The following ARHGEF28 variants were observed in gnomAD, a reference collection of about 807,000 sequenced individuals.
ARHGEF28 encodes Rho guanine nucleotide exchange factor 28, also known as 190 kDa guanine nucleotide exchange factor.
In ARHGEF28, 152 loss-of-function variants were observed where a neutral mutation model predicts 206.6. That is an observed-to-expected ratio of 0.74 (90% confidence interval 0.64 to 0.84). ARHGEF28 has a LOEUF of 0.84. ARHGEF28 is among the 40% of genes least tolerant of loss of function. The pLI is 0.00. For synonymous variants in ARHGEF28, 763 were observed against 776.4 expected (o/e 0.98, Z 0.29); for missense variants, 2,028 against 2,073.2 (o/e 0.98, Z 0.42).
Position 73,736,210 on chromosome 5 carries a change from C to T in ARHGEF28, c.34-13627C>T, listed in dbSNP as rs571955426. The stretch of plus-strand genomic sequence containing the variant: ...GATACTCATGTGTAACTTCTTAAGA[C>T]TTCACTGTGGAGTTAGGTGTGAGGA... On this transcript the variant is annotated intron_variant, in intron 2 of 35. Coordinates refer to ENST00000513042, the MANE Select transcript of ARHGEF28 (RefSeq NM_001177693.2). 6.6e-5 allele frequency among the ~76,000 whole-genome samples: 10 copies of T among 152,342 alleles called. No individual in the cohort carries two copies. In the South Asian group the frequency reaches 2.1e-3, roughly 32 times the overall value.
At chr5:73,661,555 C>A (rs1745598897) in intron 1 of ARHGEF28, among the ~76,000 whole-genome samples, 1 of 152,078 alleles carries the variant, frequency 6.6e-6, no homozygotes, top group South Asian at 2.1e-4. Flanking sequence ...TCTCACTAAG[C>A]TCAATAATTT....
At chr5:73,938,608 C>G (rs1021188052) in intron 35 of ARHGEF28, among the ~76,000 whole-genome samples, 2 of 152,000 alleles carry the variant, frequency 1.3e-5, no homozygotes, top group Admixed American at 1.3e-4. Flanking sequence ...AGTGTCTGCT[C>G]GATGGAAATT....
chr5:73,870,339 A>G, intron 21 of ARHGEF28, 130 bp downstream of exon 21: 1 of 1,145,724 alleles, frequency 8.7e-7, no homozygotes, highest in South Asian at 1.8e-5. Flanking sequence ...TCGCAGACAA[A>G]TTATTTAGAT....
chr5:73,909,095 C>A (rs138055721), intron 33 of ARHGEF28: 1 of 224,368 alleles, frequency 4.5e-6, no homozygotes, highest in Non-Finnish European at 8.8e-6. Flanking sequence ...GTGCCGAGTT[C>A]GTATTCAGAA....
Position 73,846,569 on chromosome 5 carries a change from A to G in ARHGEF28, c.1635+94A>G, listed in dbSNP as rs1758378657. ...GTATCTGAAAGACATATTATATTTTATTCATACATATGAACTATTTTTTTG... is the reference window on the plus strand; with the variant it reads ...GTATCTGAAAGACATATTATATTTTGTTCATACATATGAACTATTTTTTTG... On this transcript the variant is annotated intron_variant, in intron 12 of 35. Coordinates refer to ENST00000513042, the MANE Select transcript of ARHGEF28 (RefSeq NM_001177693.2). The G allele has an allele frequency of 6.8e-6, 8 of 1,183,618 alleles. No individual in the cohort carries two copies. The East Asian group carries it at 7.6e-5, about 11-fold the overall frequency. 73.3% of individuals were successfully genotyped at this position (1,183,618 alleles called of 1,614,324 possible).
chr5:73,712,005 C>T (rs1372825483), intron 2 of ARHGEF28, among the ~76,000 whole-genome samples: 7 of 151,678 alleles, frequency 4.6e-5, no homozygotes, highest in Non-Finnish European at 1.5e-5. Context: ...AAATTATGAA[C>T]AAATGTTGAA....
chr5:73,749,889 A>C lies in ARHGEF28; in HGVS notation c.86A>C (p.Asp29Ala). The change falls in exon 3 of 36, where the codon GAT becomes GCT. Residue 29 changes from aspartate to alanine, a missense_variant. This residue lies in a region of ARHGEF28 where 1,002 missense variants were observed against 1,015.3 expected (regional missense o/e 0.99). Coordinates refer to ENST00000513042, the MANE Select transcript of ARHGEF28 (RefSeq NM_001177693.2). ...GACAAAAATGTGTATCTTCCTGAAG[A>C]TGCTGAGTTTTACTTTACTTATGAC... ...KFDKNVYLPE[D>A]AEFYFTYDGS... The C allele has an allele frequency of 6.2e-7, 1 of 1,614,016 alleles. No individual in the cohort carries two copies. The highest frequency in any genetic ancestry group is 8.5e-7 in the Non-Finnish European group (1 of 1,179,884).
intron 1 of ARHGEF28, among the ~76,000 whole-genome samples, chr5:73,659,347 G>A (rs185649827): frequency 6.6e-6 from 1 of 152,102 alleles, no homozygotes; most frequent in African/African-American, 2.4e-5. Context: ...TGGCTAACAC[G>A]GTGAAACCCC....
chr5:73,641,988 T>C (rs1249242683), intron 1 of ARHGEF28, among the ~76,000 whole-genome samples: 1 of 152,218 alleles, frequency 6.6e-6, no homozygotes, highest in Non-Finnish European at 1.5e-5. Context: ...GCTGAGAGGT[T>C]AAGCAACCTG....
rs1385320306 is a variant in ARHGEF28 at position 73,806,270 on chromosome 5, GAT to G, written c.1024+10887_1024+10888del. ...TATATATCGATATATAGTATATATAGATATATATACATAGATAGTATATATAG... is the reference window on the plus strand; with the variant it reads ...TATATATCGATATATAGTATATATAGATATATACATAGATAGTATATATAG... On this transcript the variant is annotated intron_variant, in intron 9 of 35. Transcript: ENST00000513042. Among the ~76,000 whole-genome samples the G allele has an allele frequency of 3.1e-3, 406 of 132,090 alleles. 3 individuals are homozygous for G. Among genetic ancestry groups the G allele is most frequent in the African/African-American group, 5.9e-3 (202 of 34,286 alleles). 86.7% of individuals were successfully genotyped at this position (132,090 alleles called of 152,430 possible). A position where few individuals can be genotyped will look rare whatever the true frequency, so the allele number is the denominator to read the frequency against.
chr5:73,885,523 C>T (rs1416820919), intron 24 of ARHGEF28, among the ~76,000 whole-genome samples: 1 of 146,482 alleles, frequency 6.8e-6, no homozygotes, highest in Non-Finnish European at 1.5e-5. Flanking sequence ...GTCTCGTAGG[C>T]TGGAGTGGAG....
chr5:73,640,525 A>G (rs1331929951), intron 1 of ARHGEF28, among the ~76,000 whole-genome samples: 2 of 152,196 alleles, frequency 1.3e-5, no homozygotes, highest in Non-Finnish European at 2.9e-5. Context: ...CAATTTTTTA[A>G]AAATTAAACA....
At chr5:73,729,702 T>TA (rs111831823) in intron 2 of ARHGEF28, among the ~76,000 whole-genome samples, 3,253 of 152,300 alleles carry the variant, frequency 0.021, 111 homozygotes, top group African/African-American at 0.074. Context: ...TGGAGGCAGA[T>TA]ACATATCTTT....
At chr5:73,936,502 T>G (rs1407535727) in intron 35 of ARHGEF28, among the ~76,000 whole-genome samples, 1 of 152,200 alleles carries the variant, frequency 6.6e-6, no homozygotes, top group Admixed American at 6.5e-5. Context: ...GCATTTTTTG[T>G]ACCTCAGGAA....
At chr5:73,635,565 C>G (rs1743655775) in intron 1 of ARHGEF28, among the ~76,000 whole-genome samples, 1 of 152,088 alleles carries the variant, frequency 6.6e-6, no homozygotes, top group South Asian at 2.1e-4. Flanking sequence ...ATTTATAAAG[C>G]TTGGTGGAGA....
intron 10 of ARHGEF28, among the ~76,000 whole-genome samples, chr5:73,833,849 G>A (rs911416707): frequency 2.6e-5 from 4 of 152,186 alleles, no homozygotes; most frequent in Middle Eastern, 3.4e-3. Flanking sequence ...ATCAAATCTC[G>A]TGAGAACTCA....
chr5:73,717,389 T>C (rs1205001373), intron 2 of ARHGEF28, among the ~76,000 whole-genome samples: 5 of 152,330 alleles, frequency 3.3e-5, no homozygotes, highest in Middle Eastern at 3.4e-3. Flanking sequence ...TTCTCTCGTC[T>C]TTAACCTTGT....
chr5:73,774,024 G>A lies in ARHGEF28; in HGVS notation c.645G>A (p.Val215=), dbSNP rs376157847. ...LALREGHSKL[V]EDVTNFQGRW... Reference sequence around the variant, plus strand: ...TACGTGAAGGACACTCCAAGCTGGTGGAAGACGTCACAAAGTGAGTTTAGC... The same window carrying A: ...TACGTGAAGGACACTCCAAGCTGGTAGAAGACGTCACAAAGTGAGTTTAGC... Residue 215 remains valine, a synonymous_variant, in exon 5 of 36, where the codon GTG becomes GTA. Transcript: ENST00000513042. 4.3e-5 allele frequency: 68 copies of A among 1,594,012 alleles called. No homozygotes were observed. The African/African-American group carries it at 8.2e-4, about 19-fold the overall frequency.
At chr5:73,832,300 TCTC>T in intron 9 of ARHGEF28, 35 bp from the exon 10 acceptor site, 1 of 1,607,310 alleles carries the variant, frequency 6.2e-7, no homozygotes, top group Non-Finnish European at 8.5e-7. Flanking sequence ...ATAAGCCCCT[TCTC>T]CTTTATTTGC....
Sources: allele counts gnomAD v4.1 joint callset (sites outside exome capture counted in the v4.1 genomes callset), GRCh38; gene constraint gnomAD v4.1.1; regional missense constraint gnomAD v4.1.1; transcripts MANE v1.5; gene names NCBI Gene and HGNC (gene_info 2026-07-23, HGNC 2026-07-21).